CAPN2: variants seen among roughly 807,000 people sequenced by gnomAD.
CAPN2 encodes the protein calpain-2 catalytic subunit.
Under a neutral mutation model 102.3 loss-of-function variants are expected in CAPN2, and 92 were observed. That is an observed-to-expected ratio of 0.90 (90% CI 0.76 to 1.07). The LOEUF (loss-of-function observed/expected upper bound fraction) is 1.07, where lower values mean the gene tolerates loss of function less well. Among genes scored for constraint, CAPN2 ranks in the 50% least tolerant of loss-of-function variants. The probability of loss-of-function intolerance (pLI) is 0.00; values close to 1 mark genes in which losing one functional copy is unlikely to be tolerated. For synonymous variants in CAPN2, 340 were observed against 355.4 expected (o/e 0.96, Z 0.49); for missense variants, 800 against 909.4 (o/e 0.88, Z 1.55).
At chr1:223,761,452 C>T (rs909921341) in intron 12 of CAPN2, 129 bp from the exon 13 acceptor site, 7 of 601,304 alleles carry the variant, frequency 1.2e-5, no homozygotes, top group Non-Finnish European at 1.7e-5. Context: ...GACCTCCCCC[C>T]ACCGCAGCCC....
At chr1:223,767,195 T>TA (rs1234424354) in intron 16 of CAPN2, among the ~76,000 whole-genome samples, 12 of 147,336 alleles carry the variant, frequency 8.1e-5, no homozygotes, top group East Asian at 2.0e-4. Flanking sequence ...TTTATTTATT[T>TA]TTTATTATTA....
At chr1:223,748,890 A>G in intron 5 of CAPN2, 149 bp from the exon 6 acceptor site, 1 of 721,436 alleles carries the variant, frequency 1.4e-6, no homozygotes, top group African/African-American at 1.7e-5. Context: ...CAAGTGCAAG[A>G]AAGCGCAGCC....
intron 1 of CAPN2, among the ~76,000 whole-genome samples, chr1:223,706,566 C>T (rs1659610911): frequency 6.6e-6 from 1 of 152,130 alleles, no homozygotes; most frequent in Non-Finnish European, 1.5e-5. Flanking sequence ...CCCAAGGGAC[C>T]ATGGTCTAGG....
intron 6 of CAPN2, among the ~76,000 whole-genome samples, chr1:223,750,488 C>T (rs1336626187): frequency 2.6e-5 from 4 of 152,210 alleles, no homozygotes; most frequent in Non-Finnish European, 5.9e-5. Context: ...CCCACCCCAA[C>T]CCCATCCAGG....
At chr1:223,745,170 G>A in intron 3 of CAPN2, 136 bp from the exon 4 acceptor site, 1 of 1,132,812 alleles carries the variant, frequency 8.8e-7, no homozygotes, top group Non-Finnish European at 1.3e-6. Flanking sequence ...GGAGAGTTAA[G>A]GGAGCACCTC....
intron 2 of CAPN2, among the ~76,000 whole-genome samples, chr1:223,742,517 TA>T (rs1264211893): frequency 8.3e-4 from 90 of 108,596 alleles, no homozygotes; most frequent in African/African-American, 2.8e-3. Flanking sequence ...TATATATATA[TA>T]TTTTTTTTTT....
intron 6 of CAPN2, 67 bp from the exon 7 acceptor site, chr1:223,750,823 G>A: frequency 6.9e-7 from 1 of 1,448,608 alleles, no homozygotes; most frequent in East Asian, 2.5e-5. Flanking sequence ...GGGGGTTGGA[G>A]GCCCAAGCCT....
At chr1:223,719,023 G>A (rs1659958560) in intron 2 of CAPN2, among the ~76,000 whole-genome samples, 1 of 152,204 alleles carries the variant, frequency 6.6e-6, no homozygotes, top group Non-Finnish European at 1.5e-5. Flanking sequence ...AAGAACATGA[G>A]CTGGGCGGGA....
chr1:223,744,192 A>G lies in CAPN2; in HGVS notation c.400A>G (p.Asn134Asp), dbSNP rs775709921. The change falls in exon 3 of 21, where the codon AAC becomes GAC. Residue 134 changes from asparagine to aspartate, a missense_variant. Physicochemically the swap from Asn to Asp is conservative, Grantham distance 23. Transcript: ENST00000295006. ...CCCCCTAAACCAGAGCTTCCAGGAA[A>G]ACTATGCAGGGATCTTTCACTTCCA... ...VVPLNQSFQENYAGIFHFQFW... is the reference protein window; with the variant it reads ...VVPLNQSFQEDYAGIFHFQFW... 6 of 1,613,344 alleles carry G rather than the reference A, an allele frequency of 3.7e-6. No individual in the cohort carries two copies. The highest frequency in any genetic ancestry group is 1.1e-5 in the South Asian group (1 of 91,078).
At chr1:223,744,493 A>C (rs1271364141) in intron 3 of CAPN2, among the ~76,000 whole-genome samples, 1 of 152,148 alleles carries the variant, frequency 6.6e-6, no homozygotes, top group Non-Finnish European at 1.5e-5. Flanking sequence ...TAAAAAAAAA[A>C]ACTGTATTAT....
In CAPN2 at chr1:223,731,372, G is replaced by A. The variant is rs1232782163; in HGVS notation, c.308-12728G>A. 2.0e-5 allele frequency among the ~76,000 whole-genome samples: 3 copies of A among 151,880 alleles called. No homozygotes were observed. Among genetic ancestry groups the A allele is most frequent in the African/African-American group, 4.8e-5 (2 of 41,330 alleles). ...CCCAATGCCCAGCCCCACAATGCCC[G>A]TCCTGCTGCCTGCCTGTTCTGGACT... On this transcript the variant is annotated intron_variant, in intron 2 of 20. Coordinates refer to ENST00000295006, the MANE Select transcript of CAPN2 (RefSeq NM_001748.5). This position sits in a 1 kb window ranked among gnomAD's most constrained non-coding sequence, Gnocchi z 4.2.
In CAPN2 at chr1:223,761,579, A is replaced by C; in HGVS notation, c.1530-2A>C. ...TAACACATAATTTCCTTCTATTTCC[A>C]GAGCTGTCGATGATGAAATCGAGGC... On this transcript the variant is annotated splice_acceptor_variant, in intron 12 of 20. Coordinates refer to ENST00000295006, the MANE Select transcript of CAPN2 (RefSeq NM_001748.5). LOFTEE classifies it high-confidence loss of function. 1.9e-6 allele frequency: 3 copies of C among 1,612,210 alleles called. No individual in the cohort carries two copies. Among genetic ancestry groups the C allele is most frequent in the Non-Finnish European group, 2.5e-6 (3 of 1,178,690 alleles).
At chr1:223,706,136 G>A (rs757312825) in intron 1 of CAPN2, among the ~76,000 whole-genome samples, 48 of 152,294 alleles carry the variant, frequency 3.2e-4, no homozygotes, top group Middle Eastern at 6.8e-3. Flanking sequence ...CAACAGACTG[G>A]GGAAAGAGAA....
At chr1:223,739,835 A>C (rs1660568851) in intron 2 of CAPN2, among the ~76,000 whole-genome samples, 1 of 152,206 alleles carries the variant, frequency 6.6e-6, no homozygotes, top group Non-Finnish European at 1.5e-5. Context: ...TGGAGCTAAA[A>C]ACAGTTTAAG....
intron 2 of CAPN2, among the ~76,000 whole-genome samples, chr1:223,737,745 C>G (rs1660502373): frequency 7.6e-6 from 1 of 132,118 alleles, no homozygotes; most frequent in South Asian, 2.5e-4. Context: ...ACACCATGTA[C>G]TGTAAAGAAA....
At chr1:223,769,694 C>G (rs1661421884) in intron 16 of CAPN2, 147 bp from the exon 17 acceptor site, 4 of 670,992 alleles carry the variant, frequency 6.0e-6, no homozygotes, top group South Asian at 5.1e-5. Context: ...GGAGGTTTAG[C>G]CAGTGGGAAA....
chr1:223,762,147 C>T (rs191965706), intron 13 of CAPN2, 39 bp from the exon 14 acceptor site: 192 of 1,575,258 alleles, frequency 1.2e-4, no homozygotes, highest in Non-Finnish European at 1.5e-4. Flanking sequence ...TGTCATGCCT[C>T]GCTCTGATGC....
chr1:223,730,558 G>T (rs1335577285), intron 2 of CAPN2, among the ~76,000 whole-genome samples: 4 of 152,100 alleles, frequency 2.6e-5, no homozygotes, highest in Non-Finnish European at 5.9e-5. Flanking sequence ...TTCTTTCAGG[G>T]CCTGCTATCT....
intron 5 of CAPN2, 112 bp downstream of exon 5, chr1:223,747,277 G>A (rs966869212): frequency 1.6e-5 from 17 of 1,058,908 alleles, no homozygotes; most frequent in Middle Eastern, 3.1e-4. Flanking sequence ...TGCAGCCCTC[G>A]TCCACGTAGG....
Sources: gnomAD v4.1 joint callset for allele counts (sites outside exome capture counted in the v4.1 genomes callset) on GRCh38, gnomAD v4.1.1 for gene constraint, Gnocchi (gnomAD v3.1) non-coding constraint, MANE v1.5 for transcripts, NCBI Gene and HGNC (gene_info 2026-07-23, HGNC 2026-07-21) for gene names.